FKBP15: variants seen among roughly 807,000 people sequenced by gnomAD.
FKBP15 encodes FKBP prolyl isomerase family member 15.
In FKBP15, 106 loss-of-function variants were observed where a neutral mutation model predicts 158.1. The ratio of observed to expected loss-of-function variants is 0.67; its 90% CI spans 0.57 to 0.79. The LOEUF (loss-of-function observed/expected upper bound fraction) is 0.79, where lower values mean the gene tolerates loss of function less well. Among genes scored for constraint, FKBP15 ranks in the 30% least tolerant of loss-of-function variants. The pLI is 0.00. For synonymous variants in FKBP15, 547 were observed against 548.6 expected (o/e 1.00, Z 0.04); for missense variants, 1,287 against 1,479.1 (o/e 0.87, Z 2.13).
intron 1 of FKBP15, among the ~76,000 whole-genome samples, chr9:113,214,884 G>A (rs754413284): frequency 2.0e-5 from 3 of 152,196 alleles, no homozygotes; most frequent in African/African-American, 4.8e-5. Context: ...CTATGAAGAC[G>A]GCTTCTTTCC....
chr9:113,178,711 GCT>G lies in FKBP15; in HGVS notation c.2003_2004del (p.Glu668AlafsTer34), dbSNP rs1443009396. On this transcript the variant is annotated frameshift_variant, in exon 20 of 28. Transcript: ENST00000238256. LOFTEE classifies it high-confidence loss of function. ...KMTAHQKKET[E>X]LQMQLTESLK... The stretch of plus-strand genomic sequence containing the variant: ...AGGCTTTCTGTCAGCTGCATCTGCA[GCT>G]CTGTTTCCTTTTTTTGGTGAGCAGT... 1.9e-6 allele frequency: 3 copies of G among 1,608,936 alleles called. No individual in the cohort carries two copies. The highest frequency in any genetic ancestry group is 2.5e-6 in the Non-Finnish European group (3 of 1,177,670).
Position 113,169,928 on chromosome 9 carries a change from C to T in FKBP15, c.2781G>A (p.Gln927=). 1.3e-6 allele frequency: 2 copies of T among 1,543,328 alleles called. No homozygotes were observed. Among genetic ancestry groups the T allele is most frequent in the Non-Finnish European group, 1.7e-6 (2 of 1,145,816 alleles). Residue 927 remains glutamine (Q), a synonymous_variant, in exon 26 of 28, where the codon CAG becomes CAA. Coordinates refer to ENST00000238256, the MANE Select transcript of FKBP15 (RefSeq NM_015258.2). ...TCTCTTGCTCCTGTTGGTTTAACAG[C>T]TGAAGAGTCACCATCTATTCAAAAG... The part of the protein sequence containing the change: ...IMNTIKMVTL[Q]LLNQQEQEKE...
In FKBP15 at chr9:113,164,433, A is replaced by C. The variant is rs1830067378; in HGVS notation, c.*1645T>G. ...AAAAGTAACTGTCACACGGACTTTA[A>C]GCACCTGTGTTGGCACAATTACTCA... is the stretch of plus-strand genomic sequence containing the variant. On this transcript the variant is annotated 3_prime_UTR_variant, in exon 28 of 28. Transcript: ENST00000238256. 6.6e-6 allele frequency: 1 copy of C among 152,276 alleles called. No homozygotes were observed. The highest frequency in any genetic ancestry group is 2.1e-4 in the South Asian group (1 of 4,838). The allele number at this position is 152,276 out of a possible 1,614,324, so 9.4% of individuals were successfully genotyped here. A position where few individuals can be genotyped will look rare whatever the true frequency, so the allele number is the denominator to read the frequency against.
intron 15 of FKBP15, 46 bp downstream of exon 15, chr9:113,186,203 G>T: frequency 7.4e-7 from 1 of 1,349,906 alleles, no homozygotes; most frequent in Non-Finnish European, 1.0e-6. Context: ...AAGAGGGAAA[G>T]CACAGCAAGA....
chr9:113,200,139 T>C (rs192861366), intron 6 of FKBP15, among the ~76,000 whole-genome samples, 176 bp from the exon 7 acceptor site: 28 of 152,330 alleles, frequency 1.8e-4, no homozygotes, highest in Admixed American at 7.2e-4. Flanking sequence ...CCTAGGAGTA[T>C]GGCTTTGCAG....
intron 23 of FKBP15, 88 bp from the exon 24 acceptor site, chr9:113,171,794 G>GTA: frequency 9.2e-7 from 1 of 1,091,448 alleles, no homozygotes; most frequent in Non-Finnish European, 1.2e-6. Context: ...CAAACATCAA[G>GTA]TCTCTTTTTT....
intron 1 of FKBP15, among the ~76,000 whole-genome samples, chr9:113,213,582 C>CA (rs34466143): frequency 2.7e-4 from 38 of 140,502 alleles, no homozygotes; most frequent in Middle Eastern, 3.9e-3. Context: ...TCCCCCGAAC[C>CA]AAAAAAAAAA....
Position 113,161,463 on chromosome 9 carries a change from C to T in FKBP15, c.*4615G>A. ...ACAGGTGGAGGTGCTGGAAGGGAAA[C>T]AGTGCTGGCCTGGCCAGGTCTCCAC... On this transcript the variant is annotated 3_prime_UTR_variant, in exon 28 of 28. Transcript: ENST00000238256. The T allele has an allele frequency of 3.2e-6, 5 of 1,570,442 alleles. No homozygotes were observed. The highest frequency in any genetic ancestry group is 4.4e-6 in the Non-Finnish European group (5 of 1,146,220).
chr9:113,200,001 A>G, intron 6 of FKBP15, 38 bp from the exon 7 acceptor site: 1 of 1,588,788 alleles, frequency 6.3e-7, no homozygotes, highest in South Asian at 1.2e-5. Flanking sequence ...ATGTAGTTTA[A>G]GCTCAATAAG....
In FKBP15 at chr9:113,211,599, G is replaced by A; in HGVS notation, c.54-7C>T. On this transcript the variant is annotated splice_polypyrimidine_tract_variant and splice_region_variant and intron_variant, in intron 1 of 27. Coordinates refer to ENST00000238256, the MANE Select transcript of FKBP15 (RefSeq NM_015258.2). ...AAGTGAGGCCAATCTGGCACTGTTA[G>A]TAGAAAATGAAAAATGAAATTTCAC... 1.3e-6 allele frequency: 2 copies of A among 1,575,038 alleles called. No individual in the cohort carries two copies. The highest frequency in any genetic ancestry group is 1.7e-6 in the Non-Finnish European group (2 of 1,157,752).
chr9:113,181,712 T>C (rs768896622), intron 19 of FKBP15, among the ~76,000 whole-genome samples: 4 of 152,112 alleles, frequency 2.6e-5, no homozygotes, highest in Non-Finnish European at 4.4e-5. Context: ...ATAATATATT[T>C]AGATGCCCTT....
intron 9 of FKBP15, among the ~76,000 whole-genome samples, chr9:113,196,220 G>A (rs916259436): frequency 6.6e-6 from 1 of 152,010 alleles, no homozygotes; most frequent in Non-Finnish European, 1.5e-5. Flanking sequence ...TGTGGCAGAG[G>A]TAGTCGTAGT....
intron 4 of FKBP15, among the ~76,000 whole-genome samples, chr9:113,203,589 G>A (rs374062744): frequency 1.3e-5 from 2 of 150,508 alleles, no homozygotes; most frequent in Middle Eastern, 3.4e-3. Flanking sequence ...GTGCAGTGGC[G>A]CAATCTCGGC....
At chr9:113,211,659 T>C in intron 1 of FKBP15, 67 bp from the exon 2 acceptor site, 1 of 1,176,598 alleles carries the variant, frequency 8.5e-7, no homozygotes, top group Non-Finnish European at 1.2e-6. Flanking sequence ...TTATAAAAGC[T>C]GCTCATCTCC....
intron 15 of FKBP15, among the ~76,000 whole-genome samples, chr9:113,185,942 G>A (rs1379346262): frequency 2.0e-5 from 3 of 152,104 alleles, no homozygotes; most frequent in Non-Finnish European, 4.4e-5. Flanking sequence ...AATTAAAAGG[G>A]CCAGGGGAGA....
chr9:113,172,236 T>G (rs1267230696), intron 23 of FKBP15, among the ~76,000 whole-genome samples: 1 of 152,188 alleles, frequency 6.6e-6, no homozygotes, highest in Non-Finnish European at 1.5e-5. Flanking sequence ...ATTTTCTTAA[T>G]CCAGTCTATC....
rs781361080 is a variant in FKBP15, at chr9:113,162,933, C to A, written c.*3145G>T. On this transcript the variant is annotated 3_prime_UTR_variant, in exon 28 of 28. Transcript: ENST00000238256. ...CACAGCTTAGCTGGTGAGGAACGTGCAGGCACTGAGGCTGGAGGGACATGG... is the reference window on the plus strand; with the variant it reads ...CACAGCTTAGCTGGTGAGGAACGTGAAGGCACTGAGGCTGGAGGGACATGG... 1.9e-6 allele frequency: 3 copies of A among 1,586,952 alleles called. No homozygotes were observed. Among genetic ancestry groups the A allele is most frequent in the African/African-American group, 1.4e-5 (1 of 73,888 alleles).
chr9:113,162,802 T>G lies in FKBP15; in HGVS notation c.*3276A>C, dbSNP rs770377927. Reference sequence around the variant, plus strand: ...CTAATCCATGTCATCCAGGTGGTCATCGGCTACTTCATCATGCTGGCCGTA... The same window carrying G: ...CTAATCCATGTCATCCAGGTGGTCAGCGGCTACTTCATCATGCTGGCCGTA... On this transcript the variant is annotated 3_prime_UTR_variant, in exon 28 of 28. Coordinates refer to ENST00000238256, the MANE Select transcript of FKBP15 (RefSeq NM_015258.2). The G allele has an allele frequency of 6.2e-7, 1 of 1,613,914 alleles. No homozygotes were observed. Among genetic ancestry groups the G allele is most frequent in the South Asian group, 1.1e-5 (1 of 91,070 alleles).
intron 10 of FKBP15, among the ~76,000 whole-genome samples, 177 bp from the exon 11 acceptor site, chr9:113,193,726 T>C (rs537058275): frequency 6.6e-6 from 1 of 152,358 alleles, no homozygotes; most frequent in Non-Finnish European, 1.5e-5. Flanking sequence ...GATGAACAAC[T>C]TTCCATCCAA....
Sources: gnomAD v4.1 joint callset for allele counts (sites outside exome capture counted in the v4.1 genomes callset) on GRCh38, gnomAD v4.1.1 for gene constraint, MANE v1.5 for transcripts, NCBI Gene and HGNC (gene_info 2026-07-23, HGNC 2026-07-21) for gene names.